NRP1: variants seen among roughly 807,000 people sequenced by gnomAD.
The protein encoded by NRP1 is neuropilin 1.
NRP1 carries 35 observed loss-of-function variants against 106.7 expected under a neutral mutation model. The ratio of observed to expected loss-of-function variants is 0.33; its 90% confidence interval spans 0.25 to 0.43. The LOEUF is 0.43. Ranked by LOEUF, NRP1 falls within the 20% of genes least tolerant of loss-of-function variation. The pLI, the probability that NRP1 is intolerant of heterozygous loss-of-function variation, is 1.00. For synonymous variants in NRP1, 437 were observed against 417.9 expected, an observed-to-expected ratio of 1.05 and a Z score of -0.56; for missense variants, 1,024 against 1,170.4, an observed-to-expected ratio of 0.87 and a Z score of 1.83.
At chr10:33,247,862 T>C (rs973112777) in intron 6 of NRP1, among the ~76,000 whole-genome samples, 14 of 152,232 alleles carry the variant, frequency 9.2e-5, no homozygotes, top group African/African-American at 3.1e-4. Context: ...TCACAAGTTA[T>C]ATCTTTCTCC....
chr10:33,261,889 C>T (rs750751849), intron 4 of NRP1, among the ~76,000 whole-genome samples: 2 of 152,104 alleles, frequency 1.3e-5, no homozygotes, highest in Non-Finnish European at 2.9e-5. Context: ...GCCTGCACCA[C>T]CATGCCCAGC....
At chr10:33,295,304 C>T (rs190820059) in intron 2 of NRP1, among the ~76,000 whole-genome samples, 84 of 152,280 alleles carry the variant, frequency 5.5e-4, no homozygotes, top group African/African-American at 1.9e-3. Context: ...CGAAAGACCC[C>T]GCATCCTGGC....
In NRP1 at chr10:33,213,643, C is replaced by T; in HGVS notation, c.1357G>A (p.Gly453Arg). The T allele has an allele frequency of 1.2e-6, 2 of 1,614,066 alleles. No individual in the cohort carries two copies. The highest frequency in any genetic ancestry group is 1.6e-4 in the Middle Eastern group (1 of 6,062). The change falls in exon 9 of 17, where the codon GGG (glycine) becomes AGG (arginine). Residue 453 changes from glycine (G) to arginine (R), a missense_variant. Coordinates refer to ENST00000374867, the MANE Select transcript of NRP1 (RefSeq NM_003873.7). ...TTTTCAGGCATCCAGTTTCTGTCCC[C>T]TTGGTTGGATGATGTGATCTGGGAG... ...SDSQITSSNQ[G>R]DRNWMPENIR...
chr10:33,236,677 G>C (rs557868810), intron 6 of NRP1, among the ~76,000 whole-genome samples: 4 of 152,324 alleles, frequency 2.6e-5, no homozygotes, highest in African/African-American at 9.6e-5. Flanking sequence ...AAAACAAAGA[G>C]GGTAACAGTA....
At chr10:33,217,857 T>A (rs1838903873) in intron 8 of NRP1, among the ~76,000 whole-genome samples, 1 of 152,214 alleles carries the variant, frequency 6.6e-6, no homozygotes. Flanking sequence ...AGTGATATTA[T>A]TTTACAGTAA....
At chr10:33,256,911 T>C (rs2133196640) in intron 4 of NRP1, among the ~76,000 whole-genome samples, 1 of 152,278 alleles carries the variant, frequency 6.6e-6, no homozygotes, top group East Asian at 1.9e-4. Flanking sequence ...ATTCTGGGGA[T>C]GCTGATGTCC....
intron 2 of NRP1, among the ~76,000 whole-genome samples, chr10:33,328,496 G>A (rs1278748923): frequency 6.6e-6 from 1 of 152,148 alleles, no homozygotes; most frequent in Non-Finnish European, 1.5e-5. Flanking sequence ...GCTTTCTACA[G>A]GTAGGAAGAT....
intron 6 of NRP1, among the ~76,000 whole-genome samples, chr10:33,252,959 C>G (rs969505600): frequency 1.3e-5 from 2 of 150,120 alleles, no homozygotes; most frequent in Non-Finnish European, 3.0e-5. Context: ...ACTGAAGCAG[C>G]AATAGATGTG....
intron 6 of NRP1, among the ~76,000 whole-genome samples, chr10:33,244,029 CA>C (rs1439881841): frequency 6.6e-6 from 1 of 151,566 alleles, no homozygotes; most frequent in African/African-American, 2.4e-5. Context: ...TGACGTGGAT[CA>C]AAATTGCCAT....
intron 8 of NRP1, among the ~76,000 whole-genome samples, chr10:33,220,304 A>G (rs1225078850): frequency 6.6e-6 from 1 of 152,196 alleles, no homozygotes; most frequent in Non-Finnish European, 1.5e-5. Context: ...AAATAATTAA[A>G]CTAAAGAGGA....
chr10:33,270,682 G>A lies in NRP1; in HGVS notation c.423C>T (p.Phe141=). ...CGTAAGCTGTTCACTCACCTCTCTT[G>A]AAAATTTCATAACGTATGGAAAATC... The part of the protein sequence containing the change: ...GAGFSIRYEI[F]KRGPECSQNY... Residue 141 remains phenylalanine (F), a synonymous_variant, in exon 3 of 17, where the codon TTC becomes TTT. Transcript: ENST00000374867. 6.2e-7 allele frequency: 1 copy of A among 1,608,936 alleles called. No homozygotes were observed. The highest frequency in any genetic ancestry group is 1.1e-5 in the South Asian group (1 of 89,966).
chr10:33,227,890 T>C (rs530088318), intron 6 of NRP1, among the ~76,000 whole-genome samples: 2 of 152,276 alleles, frequency 1.3e-5, no homozygotes, highest in East Asian at 1.9e-4. Context: ...TTAGATAACT[T>C]GGAAGACTCT....
At chr10:33,293,802 T>C (rs547392051) in intron 2 of NRP1, among the ~76,000 whole-genome samples, 1 of 152,314 alleles carries the variant, frequency 6.6e-6, no homozygotes, top group African/African-American at 2.4e-5. Context: ...CTGATTTGCA[T>C]AAGAAAGATG....
intron 2 of NRP1, among the ~76,000 whole-genome samples, chr10:33,323,599 CAGG>C (rs779448271): frequency 3.5e-4 from 53 of 152,244 alleles, no homozygotes; most frequent in Non-Finnish European, 4.7e-4. Context: ...CAGAGAAGAG[CAGG>C]AGAACCCTCC....
At chr10:33,239,503 C>T (rs1322878853) in intron 6 of NRP1, among the ~76,000 whole-genome samples, 1 of 152,198 alleles carries the variant, frequency 6.6e-6, no homozygotes, top group Non-Finnish European at 1.5e-5. Flanking sequence ...TACCCTTAAG[C>T]TAGGAATGTG....
intron 6 of NRP1, among the ~76,000 whole-genome samples, chr10:33,240,285 A>G (rs1840914167): frequency 6.6e-6 from 1 of 152,232 alleles, no homozygotes; most frequent in Non-Finnish European, 1.5e-5. Context: ...AATAGCATGT[A>G]CAGGTAAGGT....
intron 3 of NRP1, among the ~76,000 whole-genome samples, chr10:33,268,733 G>A (rs1843093190): frequency 6.6e-6 from 1 of 152,176 alleles, no homozygotes; most frequent in Non-Finnish European, 1.5e-5. Flanking sequence ...GTGTACATAT[G>A]TGTGTGTACA....
In NRP1 at chr10:33,180,350, T is replaced by C; in HGVS notation, c.2498A>G (p.Tyr833Cys). 1 of 1,599,612 alleles carries C rather than the reference T, an allele frequency of 6.3e-7. No individual in the cohort carries two copies. Among genetic ancestry groups the C allele is most frequent in the Non-Finnish European group, 8.6e-7 (1 of 1,169,242 alleles). Reference protein sequence around the residue: ...KIDETGSTPGYEGEGEGDKNI... With the variant: ...KIDETGSTPGCEGEGEGDKNI... ...CTTGTCACCTTCTCCTTCACCTTCGTATCCTGGCGTGCTCCCTATGGAAAA... is the reference window on the plus strand; with the variant it reads ...CTTGTCACCTTCTCCTTCACCTTCGCATCCTGGCGTGCTCCCTATGGAAAA... Residue 833 changes from tyrosine to cysteine, a missense_variant, in exon 17 of 17, where the codon TAC (tyrosine) becomes TGC (cysteine). Physicochemically the swap from Tyr to Cys is radical, Grantham distance 194. Coordinates refer to ENST00000374867, the MANE Select transcript of NRP1 (RefSeq NM_003873.7).
chr10:33,224,500 A>T (rs1472970194), intron 7 of NRP1, among the ~76,000 whole-genome samples: 1 of 151,554 alleles, frequency 6.6e-6, no homozygotes, highest in Non-Finnish European at 1.5e-5. Context: ...AGTTAAGTTT[A>T]TCACTTAACA....
Sources: allele counts gnomAD v4.1 joint callset (sites outside exome capture counted in the v4.1 genomes callset), GRCh38; gene constraint gnomAD v4.1.1; transcripts MANE v1.5; gene names NCBI Gene and HGNC (gene_info 2026-07-23, HGNC 2026-07-21).